PTCHD4: variants seen among roughly 807,000 people sequenced by gnomAD.
PTCHD4 encodes the protein patched domain-containing protein 4.
In PTCHD4, 33 loss-of-function variants were observed where a neutral mutation model predicts 58.1. The ratio of observed to expected loss-of-function variants is 0.57; its 90% CI spans 0.43 to 0.76. PTCHD4 has a LOEUF of 0.76. Ranked by LOEUF, PTCHD4 falls within the 30% of genes least tolerant of loss-of-function variation. The probability of loss-of-function intolerance (pLI) is 0.00; values close to 1 mark genes in which losing one functional copy is unlikely to be tolerated. For missense variants in PTCHD4, 1,058 were observed against 1,027.1 expected (o/e 1.03, Z -0.41); for synonymous variants, 478 against 409.6 (o/e 1.17, Z -2.02).
rs1253266446 is a variant in PTCHD4, at chr6:47,871,928, C to G, written c.*6375G>C. Among the ~76,000 whole-genome samples the G allele has an allele frequency of 6.6e-6, 1 of 151,550 alleles. No homozygotes were observed. Among genetic ancestry groups the G allele is most frequent in the African/African-American group, 2.4e-5 (1 of 41,358 alleles). On this transcript the variant is annotated 3_prime_UTR_variant, in exon 5 of 5. Transcript: ENST00000339488. Reference sequence around the variant, plus strand: ...AGGTCTAGTTTATCAGTTTGTAGCACATTTATGTTTGTGAAGAAAAGATGC... The same window carrying G: ...AGGTCTAGTTTATCAGTTTGTAGCAGATTTATGTTTGTGAAGAAAAGATGC...
intron 3 of PTCHD4, among the ~76,000 whole-genome samples, chr6:48,066,801 G>GAA (rs369916772): frequency 1.9e-4 from 25 of 133,096 alleles, no homozygotes; most frequent in African/African-American, 5.7e-4. Context: ...ACCATGTTAA[G>GAA]AAAAAAAAAA....
At chr6:48,022,932 G>A (rs1426615190) in intron 3 of PTCHD4, among the ~76,000 whole-genome samples, 1 of 151,996 alleles carries the variant, frequency 6.6e-6, no homozygotes, top group Non-Finnish European at 1.5e-5. Context: ...AAAAAGCATT[G>A]CCTTTCTGGT....
chr6:47,870,364 G>A lies in PTCHD4; in HGVS notation c.*7939C>T, dbSNP rs565938101. 2.2e-4 allele frequency among the ~76,000 whole-genome samples: 33 copies of A among 151,582 alleles called. No homozygotes were observed. The South Asian group carries it at 5.4e-3, about 25-fold the overall frequency. ...CAAAACATGAAAATAATGATGAACC[G>A]AACAAGGAAATATTTGGAACATAAT... On this transcript the variant is annotated 3_prime_UTR_variant, in exon 5 of 5. Coordinates refer to ENST00000339488, the MANE Select transcript of PTCHD4 (RefSeq NM_001384253.1).
intron 3 of PTCHD4, among the ~76,000 whole-genome samples, chr6:48,024,692 C>T (rs1763182521): frequency 6.6e-6 from 1 of 152,076 alleles, no homozygotes; most frequent in African/African-American, 2.4e-5. Flanking sequence ...ACAGATGGGG[C>T]TTCTGGATGG....
At chr6:48,003,048 C>G (rs1768798464) in intron 4 of PTCHD4, among the ~76,000 whole-genome samples, 2 of 152,106 alleles carry the variant, frequency 1.3e-5, no homozygotes. Flanking sequence ...TGCTATTTTT[C>G]TGCCTGATCC....
At chr6:48,096,628 A>G (rs1405195302) in intron 1 of PTCHD4, among the ~76,000 whole-genome samples, 1 of 142,818 alleles carries the variant, frequency 7.0e-6, no homozygotes, top group Non-Finnish European at 1.5e-5. Flanking sequence ...AAAAAAAAAG[A>G]AATAAAGAAA....
At chr6:47,999,154 T>C (rs927758880) in intron 4 of PTCHD4, among the ~76,000 whole-genome samples, 1 of 152,142 alleles carries the variant, frequency 6.6e-6, no homozygotes, top group African/African-American at 2.4e-5. Flanking sequence ...GTGGAAGAGA[T>C]GTTAAAATAC....
chr6:48,029,420 G>C (rs547183406), intron 3 of PTCHD4, among the ~76,000 whole-genome samples: 1 of 152,180 alleles, frequency 6.6e-6, no homozygotes, highest in Middle Eastern at 3.4e-3. Context: ...TGATAAAATT[G>C]TTAGCCCAAT....
At chr6:47,935,216 C>T (rs1248498519) in intron 4 of PTCHD4, among the ~76,000 whole-genome samples, 1 of 152,034 alleles carries the variant, frequency 6.6e-6, no homozygotes, top group Non-Finnish European at 1.5e-5. Context: ...CGATTTTGTT[C>T]TTGGGTTAAA....
At chr6:47,910,236 GAA>G (rs1765026621) in intron 4 of PTCHD4, among the ~76,000 whole-genome samples, 1 of 152,146 alleles carries the variant, frequency 6.6e-6, no homozygotes, top group African/African-American at 2.4e-5. Context: ...TGGATCAGCA[GAA>G]GAGACACTGT....
At chr6:48,098,651 T>C (rs938827314) in intron 1 of PTCHD4, among the ~76,000 whole-genome samples, 4 of 152,166 alleles carry the variant, frequency 2.6e-5, no homozygotes, top group African/African-American at 9.6e-5. Context: ...AGTTTCATGA[T>C]TATGAAATTG....
chr6:47,979,248 A>T (rs1311753798), intron 4 of PTCHD4, among the ~76,000 whole-genome samples: 3 of 152,250 alleles, frequency 2.0e-5, no homozygotes, highest in Middle Eastern at 3.4e-3. Flanking sequence ...TATCTTGATG[A>T]GGTTTGAGTT....
At chr6:48,046,326 G>A (rs1042281707) in intron 3 of PTCHD4, among the ~76,000 whole-genome samples, 8 of 151,752 alleles carry the variant, frequency 5.3e-5, no homozygotes, top group African/African-American at 1.9e-4. Context: ...AACTGAAGAT[G>A]CAAGTAGCTT....
At chr6:48,104,338 T>A (rs189936065) in intron 1 of PTCHD4, among the ~76,000 whole-genome samples, 3 of 152,258 alleles carry the variant, frequency 2.0e-5, no homozygotes, top group Admixed American at 1.3e-4. Context: ...AGAATTTCAT[T>A]TCCAGCCAAA....
At chr6:48,059,596 G>C (rs1298301521) in intron 3 of PTCHD4, among the ~76,000 whole-genome samples, 1 of 151,960 alleles carries the variant, frequency 6.6e-6, no homozygotes, top group Non-Finnish European at 1.5e-5. Context: ...CCGAGATCAC[G>C]CCACTGCACT....
At chr6:48,037,531 T>TA (rs1463502715) in intron 3 of PTCHD4, among the ~76,000 whole-genome samples, 1 of 152,184 alleles carries the variant, frequency 6.6e-6, no homozygotes, top group Non-Finnish European at 1.5e-5. Flanking sequence ...CCTTCTTTTT[T>TA]AAATCTCATT....
chr6:48,074,125 C>T (rs974141542), intron 1 of PTCHD4, among the ~76,000 whole-genome samples: 3 of 151,704 alleles, frequency 2.0e-5, no homozygotes, highest in Admixed American at 2.0e-4. Flanking sequence ...TTAGCCTCAT[C>T]GCTTGGCTCA....
intron 4 of PTCHD4, among the ~76,000 whole-genome samples, chr6:47,956,618 A>G (rs1291040443): frequency 6.6e-6 from 1 of 152,008 alleles, no homozygotes; most frequent in Non-Finnish European, 1.5e-5. Context: ...TATTTTTAGT[A>G]GAGACGGGGT....
chr6:48,109,244 G>C (rs556200801), intron 1 of PTCHD4, among the ~76,000 whole-genome samples: 1 of 151,992 alleles, frequency 6.6e-6, no homozygotes, highest in Non-Finnish European at 1.5e-5. Flanking sequence ...AAAGATAAAA[G>C]TTTCCTTATT....
Sources: gnomAD v4.1 joint callset for allele counts (sites outside exome capture counted in the v4.1 genomes callset) on GRCh38, gnomAD v4.1.1 for gene constraint, MANE v1.5 for transcripts, NCBI Gene and HGNC (gene_info 2026-07-23, HGNC 2026-07-21) for gene names.